PPARD: variants seen among roughly 807,000 people sequenced by gnomAD.
PPARD encodes peroxisome proliferator-activated receptor delta.
A neutral mutation model predicts 39.5 loss-of-function variants in PPARD; 6 were observed. The ratio of observed to expected loss-of-function variants is 0.15; its 90% CI spans 0.08 to 0.30. The LOEUF is 0.30. Ranked by LOEUF, PPARD falls within the 10% of genes least tolerant of loss-of-function variation. PPARD has a pLI of 1.00. For synonymous variants in PPARD, 210 were observed against 231.3 expected (o/e 0.91, Z 0.83); for missense variants, 397 against 596.8 (o/e 0.67, Z 3.49).
intron 2 of PPARD, among the ~76,000 whole-genome samples, chr6:35,351,118 C>T (rs993031999): frequency 3.9e-5 from 6 of 151,988 alleles, no homozygotes; most frequent in African/African-American, 1.2e-4. Flanking sequence ...CCCCGCCTCC[C>T]GGGTTCATGC....
intron 2 of PPARD, among the ~76,000 whole-genome samples, chr6:35,347,916 T>G (rs1157514324): frequency 2.0e-5 from 3 of 147,156 alleles, no homozygotes; most frequent in Non-Finnish European, 4.5e-5. Context: ...GCCTTTTTTT[T>G]TTTTTTTTGA....
chr6:35,345,416 G>C (rs1212592188), intron 1 of PPARD, among the ~76,000 whole-genome samples: 1 of 152,056 alleles, frequency 6.6e-6, no homozygotes, highest in Admixed American at 6.6e-5. Context: ...CTCCAGAGTA[G>C]CGGGGACTAC....
intron 2 of PPARD, among the ~76,000 whole-genome samples, chr6:35,383,885 C>T (rs1457574376): frequency 1.4e-5 from 2 of 146,330 alleles, no homozygotes; most frequent in Non-Finnish European, 3.0e-5. Flanking sequence ...GCCACCCCGT[C>T]TGGGAAGTGA....
chr6:35,389,525 C>T (rs986790724), intron 2 of PPARD, among the ~76,000 whole-genome samples: 1 of 152,050 alleles, frequency 6.6e-6, no homozygotes, highest in African/African-American at 2.4e-5. Flanking sequence ...GTTGGCCAGG[C>T]TGATCTTGAA....
chr6:35,420,819 C>CTTTTTTTTTTTTTTTTTTTTT (rs35852986), intron 4 of PPARD, among the ~76,000 whole-genome samples: 1 of 85,708 alleles, frequency 1.2e-5, no homozygotes. Context: ...AACAAAGAAG[C>CTTTTTTTTTTTTTTTTTTTTT]TTTTTTTTTT....
At chr6:35,374,472 A>G (rs1407125240) in intron 2 of PPARD, among the ~76,000 whole-genome samples, 2 of 151,906 alleles carry the variant, frequency 1.3e-5, no homozygotes, top group Admixed American at 6.6e-5. Flanking sequence ...CCTGGCTAAC[A>G]CGGTGAAACC....
At chr6:35,348,396 G>C (rs1761018311) in intron 2 of PPARD, 6 of 985,430 alleles carry the variant, frequency 6.1e-6, no homozygotes, top group Non-Finnish European at 7.2e-6. Context: ...TCTGAACAAT[G>C]CTCTGGGTTC....
intron 2 of PPARD, among the ~76,000 whole-genome samples, chr6:35,405,479 AAAGCT>A (rs1764982300): frequency 1.3e-5 from 2 of 152,050 alleles, no homozygotes; most frequent in Admixed American, 1.3e-4. Flanking sequence ...TAAGTGGGGC[AAAGCT>A]GTGACATGAT....
At chr6:35,410,905 G>A (rs1327507539) in intron 2 of PPARD, 82 bp from the exon 3 acceptor site, 2 of 1,247,436 alleles carry the variant, frequency 1.6e-6, no homozygotes, top group African/African-American at 3.1e-5. Flanking sequence ...CATGACAGCA[G>A]CCCCCAAGCG....
In PPARD at chr6:35,412,886, A is replaced by C. The variant is rs1443382230; in HGVS notation, c.130+1669A>C. ...CAGGAGTGATAATTCACTCAGTGCC[A>C]GTAGCACATACTGTTCTAAATCTGA... is the stretch of plus-strand genomic sequence containing the variant. On this transcript the variant is annotated intron_variant, in intron 3 of 7. Coordinates refer to ENST00000360694, the MANE Select transcript of PPARD (RefSeq NM_006238.5). This position sits in a 1 kb window ranked among gnomAD's most constrained non-coding sequence, Gnocchi z 4.1. Among the ~76,000 whole-genome samples, 1 of 152,210 alleles carries C rather than the reference A, an allele frequency of 6.6e-6. No individual in the cohort carries two copies. The highest frequency in any genetic ancestry group is 1.5e-5 in the Non-Finnish European group (1 of 68,028).
intron 2 of PPARD, among the ~76,000 whole-genome samples, chr6:35,359,576 C>G (rs566880799): frequency 1.5e-4 from 23 of 152,098 alleles, no homozygotes; most frequent in Admixed American, 5.9e-4. Context: ...GTCCAACCCC[C>G]CTGGCCCGCT....
intron 2 of PPARD, among the ~76,000 whole-genome samples, chr6:35,398,042 A>G (rs746228682): frequency 3.9e-5 from 6 of 152,184 alleles, no homozygotes; most frequent in Non-Finnish European, 7.4e-5. Flanking sequence ...GGTACTTAAT[A>G]TACCAGAAGG....
intron 2 of PPARD, among the ~76,000 whole-genome samples, chr6:35,383,685 C>T (rs1207336204): frequency 2.8e-5 from 4 of 141,902 alleles, no homozygotes; most frequent in East Asian, 2.0e-4. Context: ...CCCGCCGCCC[C>T]GTCTGGGATG....
chr6:35,396,017 A>G (rs1434091551), intron 2 of PPARD, among the ~76,000 whole-genome samples: 1 of 152,100 alleles, frequency 6.6e-6, no homozygotes, highest in Non-Finnish European at 1.5e-5. Context: ...AGAGTTGTAG[A>G]AGGTCTTCTG....
intron 2 of PPARD, chr6:35,349,015 T>A (rs1374532555): frequency 1.0e-6 from 1 of 983,976 alleles, no homozygotes; most frequent in African/African-American, 1.8e-5. Context: ...TAGGAACTTC[T>A]CTTCTCCTTT....
chr6:35,374,308 T>TGGGAG (rs1554205489), intron 2 of PPARD, among the ~76,000 whole-genome samples: 1 of 126,124 alleles, frequency 7.9e-6, no homozygotes, highest in Non-Finnish European at 1.5e-5. Context: ...TTCTCGGCGG[T>TGGGAG]GGGGCGGGGG....
chr6:35,345,482 C>G (rs1754389172), intron 1 of PPARD, among the ~76,000 whole-genome samples: 1 of 152,082 alleles, frequency 6.6e-6, no homozygotes, highest in African/African-American at 2.4e-5. Context: ...TAAAGACAGG[C>G]TCTCACAATG....
chr6:35,351,116 C>T (rs958943402), intron 2 of PPARD, among the ~76,000 whole-genome samples: 6 of 151,568 alleles, frequency 4.0e-5, no homozygotes, highest in African/African-American at 1.2e-4. Context: ...AGCCCCGCCT[C>T]CCGGGTTCAT....
chr6:35,406,628 G>C (rs1293457870), intron 2 of PPARD, among the ~76,000 whole-genome samples: 4 of 152,194 alleles, frequency 2.6e-5, no homozygotes, highest in Non-Finnish European at 5.9e-5. Flanking sequence ...AGTCAGAAGA[G>C]ACAATTCCAG....
Sources: gnomAD v4.1 joint callset for allele counts (sites outside exome capture counted in the v4.1 genomes callset) on GRCh38, gnomAD v4.1.1 for gene constraint, Gnocchi (gnomAD v3.1) non-coding constraint, MANE v1.5 for transcripts, NCBI Gene and HGNC (gene_info 2026-07-23, HGNC 2026-07-21) for gene names.